AGAP1: variants seen among roughly 807,000 people sequenced by gnomAD.
AGAP1 encodes the protein ArfGAP with GTPase domain, ankyrin repeat and PH domain 1.
Under a neutral mutation model 105.3 loss-of-function variants are expected in AGAP1, and 29 were observed. The observed-to-expected ratio is 0.28, with a 90% CI of 0.21 to 0.38. The LOEUF (loss-of-function observed/expected upper bound fraction) is 0.38, where lower values mean the gene tolerates loss of function less well. AGAP1 is among the 10% of genes least tolerant of loss of function. AGAP1 has a pLI of 1.00. For missense variants in AGAP1, 998 were observed against 1,165.1 expected, an observed-to-expected ratio of 0.86 and a Z score of 2.09; for synonymous variants, 509 against 485.9, an observed-to-expected ratio of 1.05 and a Z score of -0.63.
chr2:235,661,254 G>C (rs887880534), intron 1 of AGAP1, among the ~76,000 whole-genome samples: 1 of 152,202 alleles, frequency 6.6e-6, no homozygotes, highest in African/African-American at 2.4e-5. Flanking sequence ...CTTTTGTTGA[G>C]GGCTGGAGGG....
In AGAP1 at chr2:236,095,656, G is replaced by A. The variant is rs1016287835; in HGVS notation, c.2115-24536G>A. Among the ~76,000 whole-genome samples, 2 of 152,160 alleles carry A rather than the reference G, an allele frequency of 1.3e-5. No individual in the cohort carries two copies. The highest frequency in any genetic ancestry group is 6.5e-5 in the Admixed American group (1 of 15,276). Reference sequence around the variant, plus strand: ...CAGTGTTGTGGTAATGTACTTTGATGGAGTCAAGTTTGCAAAAAATGCATA... The same window carrying A: ...CAGTGTTGTGGTAATGTACTTTGATAGAGTCAAGTTTGCAAAAAATGCATA... On this transcript the variant is annotated intron_variant, in intron 16 of 17. Transcript: ENST00000304032. This position sits in a 1 kb window ranked among gnomAD's most constrained non-coding sequence, Gnocchi z 4.1.
chr2:235,941,955 G>A (rs533431698), intron 12 of AGAP1, among the ~76,000 whole-genome samples: 61 of 152,238 alleles, frequency 4.0e-4, no homozygotes, highest in African/African-American at 1.3e-3. Context: ...AGGTTTGCCC[G>A]TGATCCTGAG....
Position 236,045,825 on chromosome 2 carries a change from C to T in AGAP1, c.1892-3234C>T, listed in dbSNP as rs1438267489. 1.2e-5 allele frequency: 5 copies of T among 400,768 alleles called. No individual in the cohort carries two copies. The highest frequency in any genetic ancestry group is 1.5e-4 in the East Asian group (2 of 13,504). The allele number at this position is 400,768 out of a possible 1,614,324, so 24.8% of individuals were successfully genotyped here. A position where few individuals can be genotyped will look rare whatever the true frequency, so the allele number is the denominator to read the frequency against. Reference sequence around the variant, plus strand: ...GCCGATGAGTCATTCTCTGCTGGAGCGGAGGCAAGGTTCTCCCCTCAGTCA... The same window carrying T: ...GCCGATGAGTCATTCTCTGCTGGAGTGGAGGCAAGGTTCTCCCCTCAGTCA... On this transcript the variant is annotated intron_variant, in intron 15 of 17. Transcript: ENST00000304032. This position sits in a 1 kb window ranked among gnomAD's most constrained non-coding sequence, Gnocchi z 6.9.
intron 1 of AGAP1, among the ~76,000 whole-genome samples, chr2:235,502,576 C>T (rs549095689): frequency 2.0e-5 from 3 of 151,956 alleles, no homozygotes; most frequent in African/African-American, 7.2e-5. Flanking sequence ...TGGGGATTGT[C>T]TTTTTTTGGG....
In AGAP1 at chr2:235,549,012, G is replaced by T. The variant is rs1391966153; in HGVS notation, c.163+54163G>T. Among the ~76,000 whole-genome samples the T allele has an allele frequency of 6.6e-6, 1 of 152,194 alleles. No individual in the cohort carries two copies. The highest frequency in any genetic ancestry group is 1.5e-5 in the Non-Finnish European group (1 of 68,040). Reference sequence around the variant, plus strand: ...CCTGCCCTGCTTTGCTTGCAAGGTGGTCCGAGCCTGGGTGGAAAGCACTGC... The same window carrying T: ...CCTGCCCTGCTTTGCTTGCAAGGTGTTCCGAGCCTGGGTGGAAAGCACTGC... On this transcript the variant is annotated intron_variant, in intron 1 of 17. Transcript: ENST00000304032. The surrounding 1 kb of genome is among the most constrained non-coding windows in gnomAD (Gnocchi z 4.2).
At chr2:235,928,372 G>T (rs369723980) in intron 11 of AGAP1, among the ~76,000 whole-genome samples, 4 of 152,196 alleles carry the variant, frequency 2.6e-5, no homozygotes, top group African/African-American at 9.7e-5. Context: ...CACCAGGGCT[G>T]GCAGAAATGC....
chr2:235,849,775 C>T (rs1312084821), intron 9 of AGAP1, among the ~76,000 whole-genome samples: 1 of 152,186 alleles, frequency 6.6e-6, no homozygotes, highest in Admixed American at 6.5e-5. Flanking sequence ...GATGGCCTTT[C>T]CCTGCTCCAC....
rs1469869577 is a variant in AGAP1 at position 235,635,021 on chromosome 2, T to C, written c.164-74158T>C. Among the ~76,000 whole-genome samples, 1 of 152,128 alleles carries C rather than the reference T, an allele frequency of 6.6e-6. No individual in the cohort carries two copies. The highest frequency in any genetic ancestry group is 1.9e-4 in the East Asian group (1 of 5,158). ...TGTGTCCTCAGATCTGCATGGAATT[T>C]CCTGTGGCGCTTTCTCAATTCTGGG... On this transcript the variant is annotated intron_variant, in intron 1 of 17. Transcript: ENST00000304032. This position sits in a 1 kb window ranked among gnomAD's most constrained non-coding sequence, Gnocchi z 5.3.
intron 1 of AGAP1, among the ~76,000 whole-genome samples, chr2:235,677,462 G>T (rs1402958825): frequency 6.6e-6 from 1 of 152,144 alleles, no homozygotes; most frequent in East Asian, 1.9e-4. Flanking sequence ...GAAAATGACG[G>T]TTTCTTTCCT....
intron 1 of AGAP1, among the ~76,000 whole-genome samples, chr2:235,495,583 A>T (rs908327757): frequency 6.6e-6 from 1 of 152,234 alleles, no homozygotes. Context: ...TAAGAGGGGC[A>T]GGATGCTTGG....
chr2:235,682,509 A>T (rs1212127197), intron 1 of AGAP1, among the ~76,000 whole-genome samples: 1 of 150,680 alleles, frequency 6.6e-6, no homozygotes, highest in Non-Finnish European at 1.5e-5. Flanking sequence ...TGCCTGGTTA[A>T]TTTTTTTTTA....
At chr2:235,998,178 C>G (rs1046058392) in intron 13 of AGAP1, among the ~76,000 whole-genome samples, 7 of 152,190 alleles carry the variant, frequency 4.6e-5, no homozygotes, top group Non-Finnish European at 2.9e-5. Context: ...AGAGAGCAAG[C>G]GTTAAGCTCT....
chr2:236,000,050 C>G lies in AGAP1; in HGVS notation c.1645+31427C>G, dbSNP rs1403991106. Among the ~76,000 whole-genome samples, 1 of 152,240 alleles carries G rather than the reference C, an allele frequency of 6.6e-6. No homozygotes were observed. Among genetic ancestry groups the G allele is most frequent in the South Asian group, 2.1e-4 (1 of 4,816 alleles). ...GCCAGCTTCTAGACCAGTGTCCTCA[C>G]GTGCAGGCGTCCTCGAAGGTTTGTT... On this transcript the variant is annotated intron_variant, in intron 13 of 17. Coordinates refer to ENST00000304032, the MANE Select transcript of AGAP1 (RefSeq NM_001037131.3). This position sits in a 1 kb window ranked among gnomAD's most constrained non-coding sequence, Gnocchi z 4.3.
At chr2:235,560,846 C>A (rs551045564) in intron 1 of AGAP1, among the ~76,000 whole-genome samples, 1 of 152,300 alleles carries the variant, frequency 6.6e-6, no homozygotes, top group South Asian at 2.1e-4. Flanking sequence ...ATGAGTGCAC[C>A]TCCCCTTTCC....
intron 11 of AGAP1, among the ~76,000 whole-genome samples, chr2:235,924,032 GCCGTGGAGAGTGACATTTAC>G (rs2052322266): frequency 6.6e-6 from 1 of 152,150 alleles, no homozygotes; most frequent in South Asian, 2.1e-4. Flanking sequence ...TCCAAAGTTT[GCCGTGGAGAGTGACATTTAC>G]TGTCCCAGAC....
intron 12 of AGAP1, among the ~76,000 whole-genome samples, chr2:235,939,805 C>G (rs1015111358): frequency 2.6e-5 from 4 of 152,110 alleles, no homozygotes; most frequent in Middle Eastern, 3.2e-3. Flanking sequence ...CTGGCTGCCC[C>G]CTGTGTCATC....
intron 11 of AGAP1, among the ~76,000 whole-genome samples, chr2:235,916,162 A>T (rs2051872057): frequency 1.6e-5 from 1 of 62,454 alleles, no homozygotes. Context: ...TGAAGGGTCT[A>T]CTCCAGAAAA....
At position 235,599,928 on chromosome 2, in the gene AGAP1, A is replaced by G. The variant is rs967393222; in HGVS notation, c.163+105079A>G. On this transcript the variant is annotated intron_variant, in intron 1 of 17. Transcript: ENST00000304032. The surrounding 1 kb of genome is among the most constrained non-coding windows in gnomAD (Gnocchi z 5.3). Reference sequence around the variant, plus strand: ...AATTTCTGAGAAACTGACTCAGGGAAGTGCCTGTGTTCAGGGCGGAGGTTC... The same window carrying G: ...AATTTCTGAGAAACTGACTCAGGGAGGTGCCTGTGTTCAGGGCGGAGGTTC... Among the ~76,000 whole-genome samples, 3 of 152,238 alleles carry G rather than the reference A, an allele frequency of 2.0e-5. No homozygotes were observed. The highest frequency in any genetic ancestry group is 2.9e-5 in the Non-Finnish European group (2 of 68,044).
chr2:235,924,105 C>T (rs1024769937), intron 11 of AGAP1, among the ~76,000 whole-genome samples: 2 of 152,106 alleles, frequency 1.3e-5, no homozygotes, highest in Non-Finnish European at 2.9e-5. Flanking sequence ...GACACTACCC[C>T]TGTCTCACCA....
Sources: gnomAD v4.1 joint callset for allele counts (sites outside exome capture counted in the v4.1 genomes callset) on GRCh38, gnomAD v4.1.1 for gene constraint, Gnocchi (gnomAD v3.1) non-coding constraint, MANE v1.5 for transcripts, NCBI Gene and HGNC (gene_info 2026-07-23, HGNC 2026-07-21) for gene names.